Variants in HTR2C observed in about 807,000 individuals in gnomAD.
HTR2C encodes 5-hydroxytryptamine receptor 2C, also known as 5-hydroxytryptamine (serotonin) receptor 2C, G protein-coupled.
Under a neutral mutation model 21.0 loss-of-function variants are expected in HTR2C, and 5 were observed. The ratio of observed to expected loss-of-function variants is 0.24; its 90% CI spans 0.12 to 0.50. HTR2C has a LOEUF of 0.50. HTR2C is among the 20% of genes least tolerant of loss of function. The pLI is 0.98. For synonymous variants in HTR2C, 150 were observed against 145.3 expected (o/e 1.03, Z -0.23); for missense variants, 271 against 371.2 (o/e 0.73, Z 2.22).
At chrX:114,839,492 A>G (rs1056974004) in intron 4 of HTR2C, among the ~76,000 whole-genome samples, 4 of 111,101 alleles carry the variant, frequency 3.6e-5, no homozygotes, top group African/African-American at 1.3e-4. Flanking sequence ...TTAGAGACCC[A>G]CCTGGGCAAC....
At chrX:114,735,242 A>G (rs967634924) in intron 4 of HTR2C, among the ~76,000 whole-genome samples, 2 of 111,039 alleles carry the variant, frequency 1.8e-5, no homozygotes, top group African/African-American at 6.6e-5. Context: ...GCTTGAACCC[A>G]GGAGGCGGAG....
At chrX:114,756,192 G>A (rs906075037) in intron 4 of HTR2C, among the ~76,000 whole-genome samples, 9 of 111,538 alleles carry the variant, frequency 8.1e-5, no homozygotes, top group Admixed American at 6.7e-4. Flanking sequence ...AAAAAATAGT[G>A]ACAAAACTAA....
chrX:114,659,297 A>G (rs1235791665), intron 2 of HTR2C, among the ~76,000 whole-genome samples: 1 of 111,336 alleles, frequency 9.0e-6, no homozygotes, highest in Non-Finnish European at 1.9e-5. Context: ...AACCATATCA[A>G]TTACAAAGAG....
intron 1 of HTR2C, among the ~76,000 whole-genome samples, chrX:114,590,952 A>C (rs1313881098): frequency 5.3e-5 from 6 of 112,196 alleles, no homozygotes; most frequent in Non-Finnish European, 1.1e-4. Context: ...TTTTTAAAAT[A>C]GCAATTCCTA....
intron 2 of HTR2C, among the ~76,000 whole-genome samples, chrX:114,665,873 T>A (rs781809491): frequency 9.0e-6 from 1 of 111,526 alleles, no homozygotes; most frequent in Non-Finnish European, 1.9e-5. Context: ...ATAAGTGGAC[T>A]TGAGCAGTTC....
chrX:114,688,269 C>T (rs1483379327), intron 2 of HTR2C, among the ~76,000 whole-genome samples: 3 of 104,607 alleles, frequency 2.9e-5, no homozygotes, highest in Non-Finnish European at 5.8e-5. Context: ...TGCAGTGAGC[C>T]GAGATCATGC....
intron 5 of HTR2C, among the ~76,000 whole-genome samples, chrX:114,857,033 G>C (rs2070968032): frequency 9.0e-6 from 1 of 111,395 alleles, no homozygotes; most frequent in South Asian, 3.7e-4. Context: ...TAAGTTTCCG[G>C]TGCTAGCTCC....
chrX:114,803,779 T>TTG (rs2070376029), intron 4 of HTR2C, among the ~76,000 whole-genome samples: 2 of 110,702 alleles, frequency 1.8e-5, no homozygotes. Context: ...TCCATTGCTT[T>TTG]TGGTGTTTTA....
At chrX:114,905,691 T>C (rs934690663) in intron 5 of HTR2C, among the ~76,000 whole-genome samples, 2 of 111,661 alleles carry the variant, frequency 1.8e-5, no homozygotes, top group Non-Finnish European at 1.9e-5. Context: ...CTATCTGTTA[T>C]CTATTTATCT....
chrX:114,703,866 AT>A (rs1281621858), intron 2 of HTR2C, among the ~76,000 whole-genome samples: 2 of 110,493 alleles, frequency 1.8e-5, no homozygotes, highest in African/African-American at 3.3e-5. Flanking sequence ...ATAAAAAATG[AT>A]AAAGGGGATA....
intron 2 of HTR2C, among the ~76,000 whole-genome samples, chrX:114,718,338 A>G (rs1380724225): frequency 1.8e-5 from 2 of 112,030 alleles, no homozygotes; most frequent in African/African-American, 6.5e-5. Context: ...ATAGTTTGCA[A>G]TTTATTTCCA....
chrX:114,858,314 A>G (rs1243113505), intron 5 of HTR2C, among the ~76,000 whole-genome samples: 1 of 111,461 alleles, frequency 9.0e-6, no homozygotes, highest in Non-Finnish European at 1.9e-5. Context: ...TAACAATACT[A>G]TGGCTTCCAA....
chrX:114,688,436 T>G (rs940911855), intron 2 of HTR2C, among the ~76,000 whole-genome samples: 1 of 111,586 alleles, frequency 9.0e-6, no homozygotes, highest in Non-Finnish European at 1.9e-5. Context: ...GAAAAATGAA[T>G]TTTTATTAAT....
intron 4 of HTR2C, among the ~76,000 whole-genome samples, chrX:114,819,728 G>C (rs2070615211): frequency 8.9e-6 from 1 of 112,651 alleles, no homozygotes; most frequent in Non-Finnish European, 1.9e-5. Flanking sequence ...AGTCAGAGCT[G>C]TAGTTATAGC....
intron 4 of HTR2C, among the ~76,000 whole-genome samples, chrX:114,745,067 CCTAT>C (rs782058446): frequency 3.6e-5 from 4 of 111,665 alleles, no homozygotes; most frequent in African/African-American, 1.3e-4. Context: ...TTGCAAACTA[CCTAT>C]CTGACAAGGC....
At chrX:114,743,665 G>C (rs1556425660) in intron 4 of HTR2C, among the ~76,000 whole-genome samples, 5 of 111,310 alleles carry the variant, frequency 4.5e-5, no homozygotes, top group Non-Finnish European at 1.9e-5. Context: ...GTCCCAAAGG[G>C]AGAGGAGAAA....
At position 114,862,625 on chromosome X, in the gene HTR2C, T is replaced by C. The variant is rs1556473330; in HGVS notation, c.550+14422T>C. Among the ~76,000 whole-genome samples, 4 of 110,895 alleles carry C rather than the reference T, an allele frequency of 3.6e-5. No homozygotes were observed. The South Asian group carries it at 1.5e-3, about 41-fold the overall frequency. Reference sequence around the variant, plus strand: ...TATGTATATATAATAGTTGTACATATTTTTCTTTATGTATATATAATAGTT... The same window carrying C: ...TATGTATATATAATAGTTGTACATACTTTTCTTTATGTATATATAATAGTT... On this transcript the variant is annotated intron_variant, in intron 5 of 5. Coordinates refer to ENST00000276198, the MANE Select transcript of HTR2C (RefSeq NM_000868.4).
At chrX:114,772,903 A>T (rs782485907) in intron 4 of HTR2C, among the ~76,000 whole-genome samples, 7 of 111,733 alleles carry the variant, frequency 6.3e-5, no homozygotes, top group African/African-American at 2.3e-4. Context: ...GGTTAAAACT[A>T]CGGGATGGTA....
chrX:114,671,160 C>G (rs782404518), intron 2 of HTR2C, among the ~76,000 whole-genome samples: 170 of 111,666 alleles, frequency 1.5e-3, no homozygotes, highest in Non-Finnish European at 1.9e-3. Flanking sequence ...AGAAATCAAA[C>G]AGATTAACAT....
Sources: gnomAD v4.1 joint callset for allele counts (sites outside exome capture counted in the v4.1 genomes callset) on GRCh38, gnomAD v4.1.1 for gene constraint, MANE v1.5 for transcripts, NCBI Gene and HGNC (gene_info 2026-07-23, HGNC 2026-07-21) for gene names.